Variants in NRIP1 observed in about 807,000 individuals in gnomAD.
NRIP1 encodes nuclear receptor-interacting protein 1.
A neutral mutation model predicts 75.0 loss-of-function variants in NRIP1; 28 were observed. The observed-to-expected ratio is 0.37, with a 90% CI of 0.28 to 0.51. NRIP1 has a LOEUF of 0.51. Ranked by LOEUF, NRIP1 falls within the 20% of genes least tolerant of loss-of-function variation. The pLI, the probability that NRIP1 is intolerant of heterozygous loss-of-function variation, is 0.92. For missense variants in NRIP1, 1,435 were observed against 1,343.7 expected (o/e 1.07, Z -1.06); for synonymous variants, 526 against 487.6 (o/e 1.08, Z -1.04).
chr21:15,007,221 A>G (rs2087993761), intron 3 of NRIP1, among the ~76,000 whole-genome samples: 1 of 152,188 alleles, frequency 6.6e-6, no homozygotes, highest in South Asian at 2.1e-4. Flanking sequence ...ACCAGAAGCT[A>G]TGGGAGTTGT....
intron 3 of NRIP1, among the ~76,000 whole-genome samples, chr21:14,989,205 A>T (rs1289243091): frequency 1.3e-5 from 2 of 152,028 alleles, no homozygotes; most frequent in African/African-American, 2.4e-5. Context: ...CTTTTTTCTC[A>T]CTTTTCCTAT....
rs1600930050 is a variant in NRIP1, at chr21:15,051,264, A to C, written c.-537-7690T>G. 2.1e-5 allele frequency: 4 copies of C among 193,768 alleles called. No individual in the cohort carries two copies. In the East Asian group the frequency reaches 5.5e-4, roughly 26 times the overall value. The allele number at this position is 193,768 out of a possible 1,614,324, so 12.0% of individuals were successfully genotyped here. A position where few individuals can be genotyped will look rare whatever the true frequency, so the allele number is the denominator to read the frequency against. Reference sequence around the variant, plus strand: ...CACCTGACTGACCACATAAAAGAACACAGAACTCTGTGTGTGTGTGCGCGT... The same window carrying C: ...CACCTGACTGACCACATAAAAGAACCCAGAACTCTGTGTGTGTGTGCGCGT... On this transcript the variant is annotated intron_variant, in intron 1 of 3. Transcript: ENST00000318948.
chr21:15,005,341 C>T (rs1002766538), intron 3 of NRIP1, among the ~76,000 whole-genome samples: 11 of 150,386 alleles, frequency 7.3e-5, no homozygotes, highest in African/African-American at 2.5e-4. Flanking sequence ...GGATTATTTC[C>T]TACAGCAAAA....
At chr21:15,055,089 C>A (rs116562217) in intron 1 of NRIP1, among the ~76,000 whole-genome samples, 21 of 152,286 alleles carry the variant, frequency 1.4e-4, no homozygotes, top group African/African-American at 5.1e-4. Context: ...GACCAACGTG[C>A]ACTTGGTTCA....
chr21:15,021,177 T>C (rs896109631), intron 2 of NRIP1, among the ~76,000 whole-genome samples: 1 of 152,126 alleles, frequency 6.6e-6, no homozygotes, highest in Non-Finnish European at 1.5e-5. Flanking sequence ...CATCAACTAT[T>C]AAAGGCAAGC....
intron 2 of NRIP1, among the ~76,000 whole-genome samples, chr21:15,029,912 C>T (rs115440278): frequency 1.6e-3 from 251 of 152,338 alleles, no homozygotes; most frequent in African/African-American, 5.5e-3. Context: ...CTCATATCCT[C>T]ACCAGCTGTG....
At chr21:15,006,460 T>C (rs1423177985) in intron 3 of NRIP1, among the ~76,000 whole-genome samples, 2 of 152,208 alleles carry the variant, frequency 1.3e-5, no homozygotes, top group East Asian at 3.8e-4. Flanking sequence ...ATAAATAGTC[T>C]GGTGGAACAA....
chr21:15,011,117 T>A (rs930330350), intron 3 of NRIP1, among the ~76,000 whole-genome samples: 3 of 152,204 alleles, frequency 2.0e-5, no homozygotes, highest in African/African-American at 7.2e-5. Flanking sequence ...TTGAGGAGTG[T>A]TTTATGAAGT....
intron 2 of NRIP1, among the ~76,000 whole-genome samples, chr21:15,042,377 G>A (rs938777927): frequency 3.9e-5 from 6 of 152,188 alleles, no homozygotes; most frequent in African/African-American, 1.4e-4. Flanking sequence ...ATATTAAGAA[G>A]GATGCCTTGG....
chr21:14,976,471 C>T (rs2087071592), intron 3 of NRIP1, among the ~76,000 whole-genome samples: 1 of 151,900 alleles, frequency 6.6e-6, no homozygotes, highest in Non-Finnish European at 1.5e-5. Context: ...CTGAAAAGTA[C>T]AGAACTAAGT....
intron 2 of NRIP1, among the ~76,000 whole-genome samples, chr21:15,024,372 G>A (rs1012330873): frequency 3.9e-5 from 6 of 152,124 alleles, no homozygotes; most frequent in East Asian, 3.9e-4. Flanking sequence ...GTGAAACCCC[G>A]TCTCTACTAA....
chr21:15,056,965 T>G (rs963810100), intron 1 of NRIP1, among the ~76,000 whole-genome samples: 14 of 152,162 alleles, frequency 9.2e-5, no homozygotes, highest in Admixed American at 9.2e-4. Context: ...AAAAATGTAC[T>G]ATGTGCCACA....
In NRIP1 at chr21:14,996,398, T is replaced by C. The variant is rs148020202; in HGVS notation, c.-335+17946A>G. ...GGTCTTTGGGCGTCTGTGTGAGTGG[T>C]TCTCTCTTTTGAGAAAGTTCTTTCT... On this transcript the variant is annotated intron_variant, in intron 3 of 3. Coordinates refer to ENST00000318948, the MANE Select transcript of NRIP1 (RefSeq NM_003489.4). Among the ~76,000 whole-genome samples, 336 of 152,244 alleles carry C rather than the reference T, an allele frequency of 2.2e-3. 1 individual carries two copies. The highest frequency in any genetic ancestry group is 7.6e-3 in the African/African-American group (317 of 41,522).
intron 1 of NRIP1, among the ~76,000 whole-genome samples, chr21:15,046,786 G>A (rs1160414763): frequency 6.6e-6 from 1 of 152,176 alleles, no homozygotes; most frequent in African/African-American, 2.4e-5. Flanking sequence ...GCTTGCTGTA[G>A]CTTCTACATC....
At chr21:14,990,478 T>G (rs2087538912) in intron 3 of NRIP1, among the ~76,000 whole-genome samples, 1 of 152,188 alleles carries the variant, frequency 6.6e-6, no homozygotes, top group African/African-American at 2.4e-5. Context: ...TTGAAGAGAC[T>G]TGAGTAAGGA....
chr21:14,967,129 G>A lies in NRIP1; in HGVS notation c.1064C>T (p.Ser355Phe), dbSNP rs776680141. ...VFQNPMGIIP[S>F]SPKNAGYKNS... Reference sequence around the variant, plus strand: ...CTTATAACCTGCATTTTTAGGGGAAGAAGGAATGATACCCATTGGATTTTG... The same window carrying A: ...CTTATAACCTGCATTTTTAGGGGAAAAAGGAATGATACCCATTGGATTTTG... The change falls in exon 4 of 4, where the codon TCT (serine) becomes TTT (phenylalanine). Residue 355 changes from serine (S) to phenylalanine (F), a missense_variant. Transcript: ENST00000318948. 6 of 1,613,964 alleles carry A rather than the reference G, an allele frequency of 3.7e-6. No homozygotes were observed. The highest frequency in any genetic ancestry group is 1.7e-5 in the Admixed American group (1 of 59,988).
intron 3 of NRIP1, among the ~76,000 whole-genome samples, chr21:14,989,336 C>T (rs763253026): frequency 2.6e-5 from 4 of 152,092 alleles, no homozygotes; most frequent in Admixed American, 6.6e-5. Flanking sequence ...TTTGTAGGGG[C>T]GGAACCAACA....
rs373655910 is a variant in NRIP1, at chr21:14,977,014, A to C, written c.-334-8488T>G. 3.3e-5 allele frequency among the ~76,000 whole-genome samples: 5 copies of C among 152,278 alleles called. No individual in the cohort carries two copies. The East Asian group carries it at 5.8e-4, about 18-fold the overall frequency. On this transcript the variant is annotated intron_variant, in intron 3 of 3. Coordinates refer to ENST00000318948, the MANE Select transcript of NRIP1 (RefSeq NM_003489.4). ...TACTGAATTTAAAGGGATTTCTACA[A>C]TGCAGCTTTGACCATTAGGACACTT...
chr21:15,059,320 C>T (rs1382083165), intron 1 of NRIP1, among the ~76,000 whole-genome samples: 1 of 152,096 alleles, frequency 6.6e-6, no homozygotes, highest in Non-Finnish European at 1.5e-5. Flanking sequence ...GTTAAAGAGG[C>T]AAGATGGGTT....
Sources: gnomAD v4.1 joint callset for allele counts (sites outside exome capture counted in the v4.1 genomes callset) on GRCh38, gnomAD v4.1.1 for gene constraint, MANE v1.5 for transcripts, NCBI Gene and HGNC (gene_info 2026-07-23, HGNC 2026-07-21) for gene names.